The following MAST2 variants were observed in gnomAD, a reference collection of about 807,000 sequenced individuals.
The protein encoded by MAST2 is microtubule-associated serine/threonine-protein kinase 2.
Under a neutral mutation model 147.4 loss-of-function variants are expected in MAST2, and 70 were observed. The ratio of observed to expected loss-of-function variants is 0.47; its 90% confidence interval spans 0.39 to 0.58. The LOEUF is 0.58. Ranked by LOEUF, MAST2 falls within the 20% of genes least tolerant of loss-of-function variation. The pLI is 0.00. For synonymous variants in MAST2, 869 were observed against 896.8 expected (o/e 0.97, Z 0.55); for missense variants, 2,080 against 2,302.3 (o/e 0.90, Z 1.98).
chr1:46,017,414 G>A (rs74392699), intron 10 of MAST2, among the ~76,000 whole-genome samples: 10 of 152,070 alleles, frequency 6.6e-5, no homozygotes, highest in Admixed American at 3.3e-4. Flanking sequence ...GAAAATTTTC[G>A]CAACCTACTC....
intron 4 of MAST2, among the ~76,000 whole-genome samples, chr1:45,939,523 C>A (rs1296334008): frequency 1.1e-5 from 1 of 90,820 alleles, no homozygotes; most frequent in Non-Finnish European, 2.2e-5. Flanking sequence ...GTATGAGGAT[C>A]AATTTTTCAA....
intron 10 of MAST2, 153 bp downstream of exon 10, chr1:46,011,092 C>T (rs555301536): frequency 1.5e-6 from 1 of 646,252 alleles, no homozygotes. Flanking sequence ...TTAGATTCCT[C>T]CTCAGTCCCC....
chr1:45,979,429 GTTTTTTTTTT>G (rs10712066), intron 5 of MAST2, among the ~76,000 whole-genome samples: 1 of 143,144 alleles, frequency 7.0e-6, no homozygotes, highest in African/African-American at 2.5e-5. Flanking sequence ...CAGATTTTTT[GTTTTTTTTTT>G]TTTTTTTTGG....
intron 5 of MAST2, among the ~76,000 whole-genome samples, chr1:45,984,900 TATCTTCAATCAC>T (rs2149080236): frequency 6.6e-6 from 1 of 152,256 alleles, no homozygotes; most frequent in Non-Finnish European, 1.5e-5. Flanking sequence ...AAATATGAGC[TATCTTCAATCAC>T]ATTGCATTCT....
intron 3 of MAST2, chr1:45,847,584 T>C: frequency 1.2e-6 from 1 of 803,222 alleles, no homozygotes. Context: ...CATCCTGCAC[T>C]TTTTCCCTTT....
chr1:45,937,277 T>C (rs764230176), intron 4 of MAST2, among the ~76,000 whole-genome samples: 1 of 151,860 alleles, frequency 6.6e-6, no homozygotes, highest in Non-Finnish European at 1.5e-5. Context: ...ATTTTAAAAT[T>C]TTATTTATTT....
chr1:45,856,980 C>G (rs950540628), intron 3 of MAST2, among the ~76,000 whole-genome samples: 2 of 152,088 alleles, frequency 1.3e-5, no homozygotes, highest in East Asian at 1.9e-4. Flanking sequence ...GCTTTTTCAT[C>G]AATATGTTCA....
At chr1:45,967,665 G>A (rs1570978297) in intron 5 of MAST2, among the ~76,000 whole-genome samples, 1 of 152,244 alleles carries the variant, frequency 6.6e-6, no homozygotes, top group East Asian at 1.9e-4. Context: ...GTCAGGAGTG[G>A]CAGAGGCAGA....
At chr1:45,872,967 TATC>T (rs1347847123) in intron 3 of MAST2, among the ~76,000 whole-genome samples, 10 of 152,198 alleles carry the variant, frequency 6.6e-5, no homozygotes, top group South Asian at 2.1e-4. Flanking sequence ...CTTTGGGAAA[TATC>T]ATCATTGGCA....
chr1:46,029,484 AG>A lies in MAST2; in HGVS notation c.2240del (p.Gly747ValfsTer33). Reference sequence around the variant, plus strand: ...ACTTCAGATGAGATTGTGTGGCCTGAGGGTGATGAGGCACTGCCCCCAGACG... The same window carrying A: ...ACTTCAGATGAGATTGTGTGGCCTGAGGTGATGAGGCACTGCCCCCAGACG... ...QVISDEIVWP[E>X]GDEALPPDAQ... On this transcript the variant is annotated frameshift_variant, in exon 19 of 29. Transcript: ENST00000361297. LOFTEE classifies it high-confidence loss of function. 1 of 1,613,886 alleles carries A rather than the reference AG, an allele frequency of 6.2e-7. No homozygotes were observed. The highest frequency in any genetic ancestry group is 8.5e-7 in the Non-Finnish European group (1 of 1,179,886).
At chr1:45,920,078 A>G (rs1252737913) in intron 4 of MAST2, among the ~76,000 whole-genome samples, 3 of 152,146 alleles carry the variant, frequency 2.0e-5, no homozygotes, top group African/African-American at 7.2e-5. Context: ...TACTGAGGCA[A>G]TACTTTGAGT....
intron 4 of MAST2, among the ~76,000 whole-genome samples, chr1:45,899,828 G>GA (rs1649435858): frequency 6.7e-6 from 1 of 150,114 alleles, no homozygotes; most frequent in East Asian, 1.9e-4. Context: ...AGGCCCAAGG[G>GA]GAAAAAAAGA....
chr1:45,988,534 G>A (rs1039923722), intron 5 of MAST2, among the ~76,000 whole-genome samples: 1 of 152,078 alleles, frequency 6.6e-6, no homozygotes, highest in African/African-American at 2.4e-5. Context: ...CAAATGTTCA[G>A]TGTTCACCTG....
At chr1:45,949,421 C>G (rs1658595297) in intron 4 of MAST2, among the ~76,000 whole-genome samples, 1 of 152,166 alleles carries the variant, frequency 6.6e-6, no homozygotes, top group African/African-American at 2.4e-5. Context: ...TGAACAGATA[C>G]TTTTCAAAAG....
intron 11 of MAST2, among the ~76,000 whole-genome samples, chr1:46,021,530 A>G (rs1018962060): frequency 2.6e-5 from 4 of 152,312 alleles, no homozygotes; most frequent in Admixed American, 1.3e-4. Flanking sequence ...TGCCCAGTAA[A>G]TATTTGAAGG....
intron 5 of MAST2, among the ~76,000 whole-genome samples, chr1:45,980,448 C>A (rs148184501): frequency 6.6e-6 from 1 of 152,000 alleles, no homozygotes; most frequent in East Asian, 1.9e-4. Flanking sequence ...AAAGTGTACC[C>A]GCTGAATCTA....
Position 45,905,742 on chromosome 1 carries a change from C to T in MAST2, c.500+23347C>T, listed in dbSNP as rs933863782. Among the ~76,000 whole-genome samples, 3 of 151,056 alleles carry T rather than the reference C, an allele frequency of 2.0e-5. No individual in the cohort carries two copies. The South Asian group carries it at 6.3e-4, about 32-fold the overall frequency. On this transcript the variant is annotated intron_variant, in intron 4 of 28. Coordinates refer to ENST00000361297, the MANE Select transcript of MAST2 (RefSeq NM_015112.3). ...AGTGAGCTGAGATCGCGCCACTGCA[C>T]TGCAGCCTGGGAGACAGAGCAAGAC...
intron 21 of MAST2, 98 bp downstream of exon 21, chr1:46,030,336 G>A (rs1290448430): frequency 2.2e-5 from 27 of 1,204,964 alleles, no homozygotes; most frequent in Non-Finnish European, 3.2e-5. Flanking sequence ...AGGGAGTTGG[G>A]GTTGGGGCCA....
rs760798674 is a variant in MAST2 at position 46,035,772 on chromosome 1, G to A, written c.5103G>A (p.Glu1701=). 2 of 1,614,132 alleles carry A rather than the reference G, an allele frequency of 1.2e-6. No individual in the cohort carries two copies. The highest frequency in any genetic ancestry group is 1.3e-5 in the African/African-American group (1 of 75,044). Residue 1701 remains glutamate, a synonymous_variant, in exon 29 of 29, where the codon GAG becomes GAA. Coordinates refer to ENST00000361297, the MANE Select transcript of MAST2 (RefSeq NM_015112.3). The surrounding 1 kb of genome is among the most constrained non-coding windows in gnomAD (Gnocchi z 5.5). ...PAQPKNLSPR[E]QGKTQPPSAP... ...AGCCTAAGAACCTGTCTCCCAGGGAGCAGGGGAAGACACAGCCACCTAGTG... is the reference window on the plus strand; with the variant it reads ...AGCCTAAGAACCTGTCTCCCAGGGAACAGGGGAAGACACAGCCACCTAGTG...
Sources: allele counts gnomAD v4.1 joint callset (sites outside exome capture counted in the v4.1 genomes callset), GRCh38; gene constraint gnomAD v4.1.1; non-coding constraint Gnocchi (gnomAD v3.1); transcripts MANE v1.5; gene names NCBI Gene and HGNC (gene_info 2026-07-23, HGNC 2026-07-21).